The following CLSTN2 variants were observed in gnomAD, a reference collection of about 807,000 sequenced individuals.
The protein encoded by CLSTN2 is calsyntenin 2.
Under a neutral mutation model 101.2 loss-of-function variants are expected in CLSTN2, and 48 were observed. The ratio of observed to expected loss-of-function variants is 0.47; its 90% CI spans 0.38 to 0.60. The LOEUF is 0.60. CLSTN2 is among the 20% of genes least tolerant of loss of function. The pLI, the probability that CLSTN2 is intolerant of heterozygous loss-of-function variation, is 0.00. For synonymous variants in CLSTN2, 481 were observed against 463.6 expected (o/e 1.04, Z -0.48); for missense variants, 1,160 against 1,238.2 (o/e 0.94, Z 0.95).
chr3:140,114,522 A>G (rs1306550294), intron 1 of CLSTN2, among the ~76,000 whole-genome samples: 3 of 152,180 alleles, frequency 2.0e-5, no homozygotes, highest in Non-Finnish European at 4.4e-5. Context: ...CAATAAATTT[A>G]TGTTGGAAGA....
At chr3:140,267,526 T>C (rs1376820615) in intron 2 of CLSTN2, among the ~76,000 whole-genome samples, 2 of 152,126 alleles carry the variant, frequency 1.3e-5, no homozygotes, top group Non-Finnish European at 2.9e-5. Flanking sequence ...AAGAGAGAGA[T>C]ACAGGCAATA....
At chr3:140,031,360 T>C (rs1434452727) in intron 1 of CLSTN2, among the ~76,000 whole-genome samples, 1 of 152,232 alleles carries the variant, frequency 6.6e-6, no homozygotes, top group Non-Finnish European at 1.5e-5. Flanking sequence ...CCTGGGATGG[T>C]TGAGGCATTG....
At position 140,146,067 on chromosome 3, in the gene CLSTN2, C is replaced by T. The variant is rs143711206; in HGVS notation, c.110-29884C>T. ...TCCGGGAAAACCTTTCCCAAGACAT[C>T]CTGAGCCCACCTGTCACCCTCTGGT... On this transcript the variant is annotated intron_variant, in intron 1 of 16. Coordinates refer to ENST00000458420, the MANE Select transcript of CLSTN2 (RefSeq NM_022131.3). Among the ~76,000 whole-genome samples, 200 of 152,340 alleles carry T rather than the reference C, an allele frequency of 1.3e-3. 1 individual carries two copies. Among genetic ancestry groups the T allele is most frequent in the East Asian group, 0.011 (57 of 5,184 alleles).
At chr3:140,259,410 G>A (rs780144710) in intron 2 of CLSTN2, among the ~76,000 whole-genome samples, 1 of 152,024 alleles carries the variant, frequency 6.6e-6, no homozygotes, top group Non-Finnish European at 1.5e-5. Context: ...GGAGGCAGAG[G>A]TTGCAATGAG....
intron 2 of CLSTN2, among the ~76,000 whole-genome samples, chr3:140,271,338 T>C (rs1227422155): frequency 6.6e-6 from 1 of 152,188 alleles, no homozygotes; most frequent in Non-Finnish European, 1.5e-5. Context: ...TAATTACTTA[T>C]GCTACTGAAA....
intron 1 of CLSTN2, among the ~76,000 whole-genome samples, chr3:140,038,534 C>T (rs890705572): frequency 3.9e-5 from 6 of 152,018 alleles, no homozygotes; most frequent in Non-Finnish European, 5.9e-5. Context: ...TGTGCAGACG[C>T]TGTTTAGTTT....
intron 2 of CLSTN2, among the ~76,000 whole-genome samples, chr3:140,368,441 C>A (rs1439833743): frequency 6.6e-6 from 1 of 152,174 alleles, no homozygotes; most frequent in Non-Finnish European, 1.5e-5. Context: ...GCGCCCTTAA[C>A]CAAGAGCTGG....
chr3:140,205,489 A>C (rs149073211), intron 2 of CLSTN2, among the ~76,000 whole-genome samples: 1 of 152,196 alleles, frequency 6.6e-6, no homozygotes, highest in Non-Finnish European at 1.5e-5. Context: ...CAGGTGCTAC[A>C]TGGTTCACAA....
intron 2 of CLSTN2, among the ~76,000 whole-genome samples, chr3:140,379,819 G>A (rs183825640): frequency 6.6e-6 from 1 of 151,742 alleles, no homozygotes; most frequent in African/African-American, 2.4e-5. Flanking sequence ...GAAGATGCAG[G>A]GTACAGAATT....
rs1239898447 is a variant in CLSTN2, at chr3:140,558,866, G to C, written c.2041+9G>C. On this transcript the variant is annotated intron_variant, in intron 12 of 16. Coordinates refer to ENST00000458420, the MANE Select transcript of CLSTN2 (RefSeq NM_022131.3). ...GGACGTGAAAACCACAGGTACAGGT[G>C]CATTTGAGTTTGTGGGGAGGGTGGA... 6.2e-7 allele frequency: 1 copy of C among 1,611,212 alleles called. No homozygotes were observed.
chr3:140,288,126 CCGG>C (rs201019667), intron 2 of CLSTN2, among the ~76,000 whole-genome samples: 3 of 1,170 alleles, frequency 2.6e-3, no homozygotes, highest in East Asian at 0.1. Context: ...GAACAGGAAA[CCGG>C]CGGGGGGGGT....
At chr3:140,547,428 C>G (rs771888224) in intron 10 of CLSTN2, among the ~76,000 whole-genome samples, 1 of 151,510 alleles carries the variant, frequency 6.6e-6, no homozygotes, top group African/African-American at 2.4e-5. Context: ...GAGCTAAGAT[C>G]GCACCAATGC....
chr3:140,237,947 G>C (rs2086431069), intron 2 of CLSTN2, among the ~76,000 whole-genome samples: 1 of 152,148 alleles, frequency 6.6e-6, no homozygotes, highest in Non-Finnish European at 1.5e-5. Context: ...AGGCTCTGCT[G>C]TCTCAAAAGC....
chr3:140,560,746 A>G (rs1435822314), intron 12 of CLSTN2, among the ~76,000 whole-genome samples: 1 of 152,130 alleles, frequency 6.6e-6, no homozygotes, highest in Non-Finnish European at 1.5e-5. Flanking sequence ...TCCCTACCTC[A>G]GGGAGCTCTC....
At chr3:140,036,264 G>A (rs772862854) in intron 1 of CLSTN2, among the ~76,000 whole-genome samples, 1 of 151,048 alleles carries the variant, frequency 6.6e-6, no homozygotes, top group Non-Finnish European at 1.5e-5. Flanking sequence ...TTCTACTTAC[G>A]TTCTGTATCA....
At chr3:140,358,401 T>A (rs574995837) in intron 2 of CLSTN2, among the ~76,000 whole-genome samples, 1 of 152,206 alleles carries the variant, frequency 6.6e-6, no homozygotes, top group African/African-American at 2.4e-5. Context: ...ATCTATAAAA[T>A]TTTTCATCCA....
intron 2 of CLSTN2, among the ~76,000 whole-genome samples, chr3:140,257,730 C>CATAATTTAAT (rs2086616539): frequency 6.6e-6 from 1 of 152,042 alleles, no homozygotes; most frequent in African/African-American, 2.4e-5. Context: ...ATTGATGTGT[C>CATAATTTAAT]ATAATTTAAT....
intron 2 of CLSTN2, among the ~76,000 whole-genome samples, chr3:140,265,582 G>A (rs2086687985): frequency 1.3e-5 from 2 of 152,204 alleles, no homozygotes; most frequent in South Asian, 4.1e-4. Flanking sequence ...GTGTGATTAA[G>A]CGCAGTTTCA....
chr3:140,149,782 C>A (rs1300517777), intron 1 of CLSTN2, among the ~76,000 whole-genome samples: 3 of 152,136 alleles, frequency 2.0e-5, no homozygotes, highest in Admixed American at 6.6e-5. Context: ...TTAGTAGAAC[C>A]ATGTCCAGAC....
Sources: gnomAD v4.1 joint callset for allele counts (sites outside exome capture counted in the v4.1 genomes callset) on GRCh38, gnomAD v4.1.1 for gene constraint, MANE v1.5 for transcripts, NCBI Gene and HGNC (gene_info 2026-07-23, HGNC 2026-07-21) for gene names.